Variants in L3MBTL4 observed in about 807,000 individuals in gnomAD.
L3MBTL4 encodes lethal(3)malignant brain tumor-like protein 4.
L3MBTL4 carries 70 observed loss-of-function variants against 84.5 expected under a neutral mutation model. The ratio of observed to expected loss-of-function variants is 0.83; its 90% CI spans 0.68 to 1.01. The LOEUF is 1.01. Among genes scored for constraint, L3MBTL4 ranks in the 50% least tolerant of loss-of-function variants. L3MBTL4 has a pLI of 0.00. For missense variants in L3MBTL4, 715 were observed against 754.8 expected (o/e 0.95, Z 0.62); for synonymous variants, 274 against 259.8 (o/e 1.05, Z -0.52).
chr18:6,011,058 C>T (rs1341808672), intron 16 of L3MBTL4, among the ~76,000 whole-genome samples: 3 of 152,116 alleles, frequency 2.0e-5, no homozygotes, highest in Admixed American at 6.5e-5. Flanking sequence ...TGCTAAGTGC[C>T]GGCATGGGAA....
chr18:6,300,684 A>G (rs1051474192), intron 4 of L3MBTL4, among the ~76,000 whole-genome samples: 2 of 152,216 alleles, frequency 1.3e-5, no homozygotes, highest in African/African-American at 4.8e-5. Flanking sequence ...AAATGTTTCG[A>G]CCACAGAATA....
chr18:6,241,570 C>A, intron 7 of L3MBTL4, 121 bp from the exon 8 acceptor site: 128 of 552,944 alleles, frequency 2.3e-4, no homozygotes, highest in East Asian at 2.9e-4. Context: ...AAAAAAAACG[C>A]AATTACTTTT....
Position 6,264,052 on chromosome 18 carries a change from C to T in L3MBTL4, c.128-14G>A, listed in dbSNP as rs374095665. 5.1e-6 allele frequency: 8 copies of T among 1,571,936 alleles called. No homozygotes were observed. In the African/African-American group the frequency reaches 9.5e-5, roughly 19 times the overall value. On this transcript the variant is annotated splice_polypyrimidine_tract_variant and intron_variant, in intron 4 of 18. Coordinates refer to ENST00000317931, the MANE Select transcript of L3MBTL4 (RefSeq NM_001330559.2). ...CCGCTGAAGGGACTGGAAGAGAAAA[C>T]ACAATGACTTTTCTCAAAATGATTA...
chr18:6,077,908 A>G (rs1032678782), intron 16 of L3MBTL4, among the ~76,000 whole-genome samples: 1 of 152,030 alleles, frequency 6.6e-6, no homozygotes, highest in African/African-American at 2.4e-5. Flanking sequence ...GTGCACCTGT[A>G]GTTCCAGCTA....
chr18:6,021,817 C>A (rs532906208), intron 16 of L3MBTL4, among the ~76,000 whole-genome samples: 81 of 152,268 alleles, frequency 5.3e-4, no homozygotes, highest in Middle Eastern at 6.8e-3. Flanking sequence ...TCCTGCCTCC[C>A]CTGCCTCTCT....
At chr18:6,196,258 C>T (rs968321930) in intron 12 of L3MBTL4, among the ~76,000 whole-genome samples, 12 of 150,802 alleles carry the variant, frequency 8.0e-5, no homozygotes, top group East Asian at 1.9e-4. Context: ...CCCGGGTTCA[C>T]GCCATTCTCC....
intron 10 of L3MBTL4, among the ~76,000 whole-genome samples, chr18:6,229,182 T>C (rs2046895097): frequency 6.6e-6 from 1 of 152,194 alleles, no homozygotes; most frequent in African/African-American, 2.4e-5. Context: ...TATGAACACA[T>C]ACTTGAGGAA....
At chr18:6,164,750 G>A (rs182452933) in intron 13 of L3MBTL4, among the ~76,000 whole-genome samples, 32 of 152,254 alleles carry the variant, frequency 2.1e-4, no homozygotes, top group South Asian at 6.2e-4. Context: ...CAGAAAAACC[G>A]GAAACCCTAA....
At position 5,997,288 on chromosome 18, in the gene L3MBTL4, C is replaced by A. The variant is rs117111308; in HGVS notation, c.1445-27726G>T. Among the ~76,000 whole-genome samples the A allele has an allele frequency of 1.1e-4, 17 of 149,830 alleles. No homozygotes were observed. The East Asian group carries it at 3.1e-3, about 27-fold the overall frequency. On this transcript the variant is annotated intron_variant, in intron 16 of 18. Coordinates refer to ENST00000317931, the MANE Select transcript of L3MBTL4 (RefSeq NM_001330559.2). ...CTGTGAACTATGTCAGGCAAACTCG[C>A]CTCCCATCTTATTCCTAAACAAAAT... is the stretch of plus-strand genomic sequence containing the variant.
chr18:6,223,232 T>C (rs954701452), intron 10 of L3MBTL4, among the ~76,000 whole-genome samples: 3 of 152,128 alleles, frequency 2.0e-5, no homozygotes, highest in Admixed American at 6.6e-5. Context: ...GCCAACAGGT[T>C]TGAATGCTCA....
At chr18:6,407,146 T>G (rs984364624) in intron 1 of L3MBTL4, among the ~76,000 whole-genome samples, 2 of 152,206 alleles carry the variant, frequency 1.3e-5, no homozygotes, top group African/African-American at 4.8e-5. Context: ...CTTGTCCTCA[T>G]AGTAAAAGAA....
intron 4 of L3MBTL4, among the ~76,000 whole-genome samples, chr18:6,270,800 C>T (rs2048834025): frequency 6.6e-6 from 1 of 152,194 alleles, no homozygotes; most frequent in South Asian, 2.1e-4. Context: ...ATGCAGCTTC[C>T]TCAAAGTTGG....
chr18:6,403,003 C>A (rs1257960547), intron 1 of L3MBTL4, among the ~76,000 whole-genome samples: 1 of 151,978 alleles, frequency 6.6e-6, no homozygotes, highest in Non-Finnish European at 1.5e-5. Context: ...AGTAGGTTAC[C>A]CCCAGGGGGA....
chr18:6,254,041 G>A (rs568860020), intron 5 of L3MBTL4, among the ~76,000 whole-genome samples: 23 of 152,286 alleles, frequency 1.5e-4, no homozygotes, highest in Non-Finnish European at 2.9e-4. Flanking sequence ...TAATAGTGGA[G>A]TCAGAGTGGG....
intron 1 of L3MBTL4, among the ~76,000 whole-genome samples, chr18:6,373,508 A>G (rs1181913984): frequency 1.3e-5 from 2 of 152,062 alleles, no homozygotes; most frequent in Non-Finnish European, 2.9e-5. Context: ...CCCTATTCCT[A>G]TCTGCCCTGC....
chr18:6,353,920 T>C (rs558855075), intron 1 of L3MBTL4, among the ~76,000 whole-genome samples: 1 of 151,918 alleles, frequency 6.6e-6, no homozygotes, highest in Admixed American at 6.6e-5. Context: ...TTCACAGAAA[T>C]AGAAAAAAGA....
At chr18:5,970,306 G>A (rs1351922928) in intron 16 of L3MBTL4, among the ~76,000 whole-genome samples, 1 of 152,220 alleles carries the variant, frequency 6.6e-6, no homozygotes, top group Non-Finnish European at 1.5e-5. Context: ...GACAATGGCT[G>A]TTTGTTTGCA....
chr18:6,206,798 T>C (rs1418614250), intron 12 of L3MBTL4, among the ~76,000 whole-genome samples: 1 of 152,210 alleles, frequency 6.6e-6, no homozygotes, highest in Non-Finnish European at 1.5e-5. Flanking sequence ...GTAGCCCGCA[T>C]TTCTTCTACC....
At chr18:6,412,022 C>T (rs945623667) in intron 1 of L3MBTL4, among the ~76,000 whole-genome samples, 3 of 152,066 alleles carry the variant, frequency 2.0e-5, no homozygotes, top group South Asian at 2.1e-4. Flanking sequence ...AGTTAGGGTA[C>T]GTGTGCAGGT....
Sources: allele counts gnomAD v4.1 joint callset (sites outside exome capture counted in the v4.1 genomes callset), GRCh38; gene constraint gnomAD v4.1.1; transcripts MANE v1.5; gene names NCBI Gene and HGNC (gene_info 2026-07-23, HGNC 2026-07-21).